FBRSL1: variants seen among roughly 807,000 people sequenced by gnomAD.
The protein encoded by FBRSL1 is fibrosin-1-like protein.
In FBRSL1, 51 loss-of-function variants were observed where a neutral mutation model predicts 89.6. The ratio of observed to expected loss-of-function variants is 0.57; its 90% confidence interval spans 0.45 to 0.72. FBRSL1 has a LOEUF of 0.72. Ranked by LOEUF, FBRSL1 falls within the 30% of genes least tolerant of loss-of-function variation. FBRSL1 has a pLI of 0.00. For synonymous variants in FBRSL1, 779 were observed against 681.1 expected (o/e 1.14, Z -2.24); for missense variants, 1,618 against 1,451.8 (o/e 1.11, Z -1.86).
intron 4 of FBRSL1, among the ~76,000 whole-genome samples, chr12:132,528,917 TG>T (rs1421219620): frequency 6.6e-6 from 1 of 152,166 alleles, no homozygotes; most frequent in Non-Finnish European, 1.5e-5. Context: ...GGGAATGGCC[TG>T]GGAGGCTGGG....
intron 5 of FBRSL1, among the ~76,000 whole-genome samples, chr12:132,559,704 C>T (rs1566201796): frequency 6.6e-6 from 1 of 152,194 alleles, no homozygotes. Flanking sequence ...CGGCTGTCGC[C>T]CTTTCTGACT....
chr12:132,571,154 C>T lies in FBRSL1; in HGVS notation c.1300C>T (p.Pro434Ser). ...TCTGATTGGTACTTGGTCACAGGCT[C>T]CTCTCTTACCTGCACCCCTGGGCCC... Reference protein sequence around the residue: ...GILIGTWSQAPLLPAPLGPHV... With the variant: ...GILIGTWSQASLLPAPLGPHV... The change falls in exon 9 of 19, where the codon CCT (proline) becomes TCT (serine). Residue 434 changes from proline to serine, a missense_variant. Coordinates refer to ENST00000680143, the MANE Select transcript of FBRSL1 (RefSeq NM_001367871.1). The T allele has an allele frequency of 2.1e-6, 3 of 1,401,300 alleles. No individual in the cohort carries two copies. Among genetic ancestry groups the T allele is most frequent in the Middle Eastern group, 2.7e-4 (1 of 3,766 alleles). 86.8% of individuals were successfully genotyped at this position (1,401,300 alleles called of 1,614,324 possible).
intron 5 of FBRSL1, among the ~76,000 whole-genome samples, chr12:132,559,180 G>C (rs2137581005): frequency 6.6e-6 from 1 of 152,378 alleles, no homozygotes; most frequent in South Asian, 2.1e-4. Flanking sequence ...GCCACCTCAA[G>C]TGTAAAATCA....
chr12:132,518,061 C>T (rs2035004635), intron 2 of FBRSL1, among the ~76,000 whole-genome samples: 1 of 152,240 alleles, frequency 6.6e-6, no homozygotes, highest in Non-Finnish European at 1.5e-5. Context: ...CTGCTGTTCC[C>T]ACCCCTCCTC....
At chr12:132,566,827 C>T (rs1227788232) in intron 5 of FBRSL1, among the ~76,000 whole-genome samples, 1 of 151,314 alleles carries the variant, frequency 6.6e-6, no homozygotes, top group Non-Finnish European at 1.5e-5. Context: ...TGGCCAGTCC[C>T]CAGCACATAA....
chr12:132,571,425 C>T, intron 9 of FBRSL1, 194 bp downstream of exon 9: 1 of 1,550,810 alleles, frequency 6.4e-7, no homozygotes, highest in Non-Finnish European at 8.7e-7. Flanking sequence ...AGCACCAGCA[C>T]ACACACCAGC....
At chr12:132,567,889 C>G (rs1421845731) in intron 6 of FBRSL1, among the ~76,000 whole-genome samples, 5 of 152,194 alleles carry the variant, frequency 3.3e-5, no homozygotes, top group African/African-American at 1.2e-4. Context: ...TAAAGAGAAA[C>G]GGGACTGAGA....
intron 5 of FBRSL1, among the ~76,000 whole-genome samples, chr12:132,564,491 C>T (rs1236730390): frequency 1.0e-5 from 1 of 96,616 alleles, no homozygotes; most frequent in Admixed American, 8.7e-5. Flanking sequence ...CCCCTGCCCT[C>T]GCCCTCCAAG....
chr12:132,511,463 C>A, intron 2 of FBRSL1: 1 of 986,182 alleles, frequency 1.0e-6, no homozygotes, highest in Non-Finnish European at 1.2e-6. Context: ...CTCAAGGCAG[C>A]CCCACTCGAG....
chr12:132,562,870 C>T lies in FBRSL1; in HGVS notation c.646-4611C>T, dbSNP rs116635358. ...CATTCCAGCAAGAAGGTGGAATCCA[C>T]ACCTGGTCTTCTCTGATACGTTGAT... On this transcript the variant is annotated intron_variant, in intron 5 of 18. Coordinates refer to ENST00000680143, the MANE Select transcript of FBRSL1 (RefSeq NM_001367871.1). Among the ~76,000 whole-genome samples, 987 of 151,018 alleles carry T rather than the reference C, an allele frequency of 6.5e-3. 25 individuals carry two copies. The highest frequency in any genetic ancestry group is 0.023 in the African/African-American group (940 of 40,334).
In FBRSL1 at chr12:132,581,519, G is replaced by T. The variant is rs749751607; in HGVS notation, c.1912+3G>T. 1.1e-5 allele frequency: 17 copies of T among 1,550,894 alleles called. No individual in the cohort carries two copies. In the East Asian group the frequency reaches 1.2e-4, roughly 11 times the overall value. The stretch of plus-strand genomic sequence containing the variant: ...CCTGCCCACTGGCCCCCTGACAGGT[G>T]GGTGTCTCTGAATTCAGCCCACGCA... On this transcript the variant is annotated splice_donor_region_variant and intron_variant, in intron 16 of 18. Coordinates refer to ENST00000680143, the MANE Select transcript of FBRSL1 (RefSeq NM_001367871.1).
In FBRSL1 at chr12:132,570,060, G is replaced by A. The variant is rs756438425; in HGVS notation, c.826G>A (p.Gly276Arg). 55 of 1,497,674 alleles carry A rather than the reference G, an allele frequency of 3.7e-5. No homozygotes were observed. Among genetic ancestry groups the A allele is most frequent in the Non-Finnish European group, 4.5e-5 (51 of 1,130,810 alleles). The allele number at this position is 1,497,674 out of a possible 1,614,324, so 92.8% of individuals were successfully genotyped here. A position where few individuals can be genotyped will look rare whatever the true frequency, so the allele number is the denominator to read the frequency against. The change falls in exon 7 of 19, where the codon GGG becomes AGG. Residue 276 changes from glycine to arginine, a missense_variant. Gly to Arg is a moderately radical substitution (Grantham distance 125). Transcript: ENST00000680143. ...SPAPHAAPCP[G>R]PPPGSRANPL... is the part of the protein sequence containing the mutation. The stretch of plus-strand genomic sequence containing the variant: ...CGCGCCCCATGCCGCGCCCTGCCCG[G>A]GGCCCCCGCCCGGCTCCCGCGCCAA...
At chr12:132,509,615 C>T (rs1260213015) in intron 2 of FBRSL1, 8 of 1,231,680 alleles carry the variant, frequency 6.5e-6, no homozygotes, top group Non-Finnish European at 8.1e-6. Flanking sequence ...CCCCACGGTC[C>T]CTCCTGGTCC....
chr12:132,558,388 A>T (rs1459279891), intron 5 of FBRSL1, among the ~76,000 whole-genome samples: 4 of 152,176 alleles, frequency 2.6e-5, no homozygotes, highest in Non-Finnish European at 5.9e-5. Context: ...GTGGTGGCTT[A>T]TCCAAGTCCT....
intron 1 of FBRSL1, chr12:132,507,130 C>A: frequency 1.1e-6 from 1 of 935,394 alleles, no homozygotes; most frequent in Non-Finnish European, 1.3e-6. Context: ...GGGGCGGGTC[C>A]TCCTCGGGGA....
chr12:132,544,350 GAGA>G (rs1177079454), intron 4 of FBRSL1, among the ~76,000 whole-genome samples: 3 of 152,132 alleles, frequency 2.0e-5, no homozygotes, highest in Non-Finnish European at 4.4e-5. Context: ...AGGACAAGCA[GAGA>G]AGGAGAGACT....
chr12:132,538,098 T>C (rs1420366341), intron 4 of FBRSL1, among the ~76,000 whole-genome samples: 1 of 152,140 alleles, frequency 6.6e-6, no homozygotes, highest in Non-Finnish European at 1.5e-5. Context: ...GTGGCTGGGC[T>C]GAGGCCCTGT....
intron 9 of FBRSL1, 182 bp from the exon 10 acceptor site, chr12:132,572,106 G>C (rs1343669301): frequency 3.3e-6 from 2 of 604,910 alleles, no homozygotes; most frequent in Non-Finnish European, 2.9e-6. Flanking sequence ...CCTGGTCTGA[G>C]ACTGAGTTCA....
rs2038692669 is a variant in FBRSL1, at chr12:132,556,709, ACCCC to A, written c.645+8678_645+8681del. ...TCTCCAGGCCTTCATGCTGCCTCCA[ACCCC>A]TGTCCTGTGGGACGCTCTTCTTCAG... On this transcript the variant is annotated intron_variant, in intron 5 of 18. Transcript: ENST00000680143. Among the ~76,000 whole-genome samples, 4 of 33,662 alleles carry A rather than the reference ACCCC, an allele frequency of 1.2e-4. No individual in the cohort carries two copies. The South Asian group carries it at 3.6e-3, about 30-fold the overall frequency. 22.1% of individuals were successfully genotyped at this position (33,662 alleles called of 152,430 possible). A position where few individuals can be genotyped will look rare whatever the true frequency, so the allele number is the denominator to read the frequency against.
Sources: allele counts gnomAD v4.1 joint callset (sites outside exome capture counted in the v4.1 genomes callset), GRCh38; gene constraint gnomAD v4.1.1; transcripts MANE v1.5; gene names NCBI Gene and HGNC (gene_info 2026-07-23, HGNC 2026-07-21).